The following SLC24A2 variants were observed in gnomAD, a reference collection of about 807,000 sequenced individuals.
The protein encoded by SLC24A2 is sodium/potassium/calcium exchanger 2.
In SLC24A2, 36 loss-of-function variants were observed where a neutral mutation model predicts 62.0. That is an observed-to-expected ratio of 0.58 (90% CI 0.44 to 0.77). The LOEUF is 0.77. Among genes scored for constraint, SLC24A2 ranks in the 30% least tolerant of loss-of-function variants. The pLI is 0.00. For missense variants in SLC24A2, 846 were observed against 817.9 expected, an observed-to-expected ratio of 1.03 and a Z score of -0.42; for synonymous variants, 358 against 294.0, an observed-to-expected ratio of 1.22 and a Z score of -2.23.
chr9:20,138,382 T>C, the SLC24A2 span, among the ~76,000 whole-genome samples: 1 of 152,204 alleles, frequency 6.6e-6, no homozygotes, highest in East Asian at 1.9e-4. Context: ...AGCCATTTGT[T>C]TTCCCAGGAG....
intron 2 of SLC24A2, among the ~76,000 whole-genome samples, chr9:19,764,888 G>A (rs1822463452): frequency 6.6e-6 from 1 of 152,196 alleles, no homozygotes; most frequent in Non-Finnish European, 1.5e-5. Flanking sequence ...AATATTGACA[G>A]TGGGGTGTTA....
chr9:19,939,653 T>G, the SLC24A2 span, among the ~76,000 whole-genome samples: 1 of 152,076 alleles, frequency 6.6e-6, no homozygotes, highest in Non-Finnish European at 1.5e-5. Context: ...ACTAAATTTG[T>G]AAAAAATAAA....
chr9:19,770,314 G>A (rs1023518404), intron 2 of SLC24A2, among the ~76,000 whole-genome samples: 18 of 152,026 alleles, frequency 1.2e-4, no homozygotes, highest in African/African-American at 3.9e-4. Context: ...CTGGATTAAC[G>A]GAAGTTTATG....
chr9:19,548,295 T>C (rs2132737652), intron 8 of SLC24A2, among the ~76,000 whole-genome samples: 1 of 152,352 alleles, frequency 6.6e-6, no homozygotes, highest in East Asian at 1.9e-4. Flanking sequence ...TTCTACTTTG[T>C]GGCATCACTA....
chr9:20,082,818 C>T, the SLC24A2 span, among the ~76,000 whole-genome samples: 1 of 152,184 alleles, frequency 6.6e-6, no homozygotes, highest in African/African-American at 2.4e-5. Context: ...CAATTTACCA[C>T]AGGAAAAAGA....
At chr9:19,544,348 T>G (rs1834439254) in intron 8 of SLC24A2, among the ~76,000 whole-genome samples, 1 of 151,796 alleles carries the variant, frequency 6.6e-6, no homozygotes, top group Non-Finnish European at 1.5e-5. Context: ...GTGGGTCTCC[T>G]GAATACAGCC....
the SLC24A2 span, among the ~76,000 whole-genome samples, chr9:19,941,626 A>G: frequency 6.6e-6 from 1 of 151,576 alleles, no homozygotes; most frequent in South Asian, 2.1e-4. Context: ...AGAGTTGTAG[A>G]AACGAGGGTG....
the SLC24A2 span, among the ~76,000 whole-genome samples, chr9:20,083,925 G>A: frequency 1.3e-5 from 2 of 152,174 alleles, no homozygotes; most frequent in African/African-American, 4.8e-5. Context: ...CTGTTACACT[G>A]TTAGCTCTGA....
At chr9:19,677,944 C>G (rs1280366077) in intron 2 of SLC24A2, among the ~76,000 whole-genome samples, 2 of 151,870 alleles carry the variant, frequency 1.3e-5, no homozygotes, top group Non-Finnish European at 2.9e-5. Flanking sequence ...AAAACAATGA[C>G]CAATGACAGA....
intron 2 of SLC24A2, among the ~76,000 whole-genome samples, chr9:19,629,948 T>C (rs1332190827): frequency 2.0e-5 from 3 of 152,226 alleles, no homozygotes; most frequent in African/African-American, 7.2e-5. Flanking sequence ...CACTTATATA[T>C]GGCCAAGGAT....
the SLC24A2 span, among the ~76,000 whole-genome samples, chr9:19,985,201 A>G: frequency 6.6e-6 from 1 of 152,196 alleles, no homozygotes; most frequent in Non-Finnish European, 1.5e-5. Flanking sequence ...ACAGTTAAAC[A>G]TGTATTTACC....
At chr9:19,776,159 A>C (rs2118910193) in intron 2 of SLC24A2, among the ~76,000 whole-genome samples, 1 of 152,342 alleles carries the variant, frequency 6.6e-6, no homozygotes, top group South Asian at 2.1e-4. Flanking sequence ...AAACATTTGA[A>C]AGTCACTGAT....
the SLC24A2 span, among the ~76,000 whole-genome samples, chr9:20,112,774 T>G: frequency 1.3e-5 from 2 of 151,906 alleles, no homozygotes; most frequent in East Asian, 3.9e-4. Context: ...TCACCTAATT[T>G]TTAGTGTGTC....
At chr9:19,864,734 T>C in the SLC24A2 span, among the ~76,000 whole-genome samples, 712 of 152,158 alleles carry the variant, frequency 4.7e-3, 6 homozygotes, top group African/African-American at 0.016. Context: ...TAGTATCATA[T>C]TGAATGGGGA....
the SLC24A2 span, among the ~76,000 whole-genome samples, chr9:20,101,891 A>G: frequency 1.3e-5 from 2 of 152,172 alleles, no homozygotes; most frequent in African/African-American, 4.8e-5. Flanking sequence ...AGATTCACAA[A>G]CACTGGAGCC....
At chr9:19,524,173 C>G (rs1210102364) in intron 9 of SLC24A2, among the ~76,000 whole-genome samples, 2 of 145,478 alleles carry the variant, frequency 1.4e-5, no homozygotes, top group African/African-American at 5.1e-5. Context: ...AATTAGGCCA[C>G]TCAGAGGAGG....
At chr9:20,076,321 T>G in the SLC24A2 span, among the ~76,000 whole-genome samples, 3 of 152,320 alleles carry the variant, frequency 2.0e-5, 1 homozygote, top group South Asian at 6.2e-4. Flanking sequence ...GTCACCCATC[T>G]ACTCAATGTG....
At chr9:20,134,201 C>A in the SLC24A2 span, among the ~76,000 whole-genome samples, 1 of 152,120 alleles carries the variant, frequency 6.6e-6, no homozygotes, top group African/African-American at 2.4e-5. Context: ...AAAGGTCTAC[C>A]ATGATTTGAG....
chr9:20,015,657 C>T, the SLC24A2 span, among the ~76,000 whole-genome samples: 1 of 152,232 alleles, frequency 6.6e-6, no homozygotes, highest in Non-Finnish European at 1.5e-5. Flanking sequence ...TGACTTCTAA[C>T]TCCAGTGATT....
Sources: allele counts gnomAD v4.1 joint callset (sites outside exome capture counted in the v4.1 genomes callset), GRCh38; gene constraint gnomAD v4.1.1; transcripts MANE v1.5; gene names NCBI Gene and HGNC (gene_info 2026-07-23, HGNC 2026-07-21).